The following CAMKK1 variants were observed in gnomAD, a reference collection of about 807,000 sequenced individuals.
CAMKK1 encodes the protein calcium/calmodulin dependent protein kinase kinase 1, also known as calcium/calmodulin-dependent protein kinase kinase 1.
A neutral mutation model predicts 63.5 loss-of-function variants in CAMKK1; 20 were observed. The ratio of observed to expected loss-of-function variants is 0.32; its 90% CI spans 0.22 to 0.46. The LOEUF is 0.46. CAMKK1 is among the 20% of genes least tolerant of loss of function. CAMKK1 has a pLI of 1.00. For synonymous variants in CAMKK1, 253 were observed against 269.0 expected (o/e 0.94, Z 0.58); for missense variants, 588 against 658.1 (o/e 0.89, Z 1.17).
At chr17:3,870,114 G>A (rs913132662) in intron 12 of CAMKK1, among the ~76,000 whole-genome samples, 1 of 152,162 alleles carries the variant, frequency 6.6e-6, no homozygotes, top group African/African-American at 2.4e-5. Context: ...ACACCCCAAT[G>A]GGTGGCAAAG....
chr17:3,866,240 C>G (rs936012040), intron 14 of CAMKK1, among the ~76,000 whole-genome samples: 14 of 152,198 alleles, frequency 9.2e-5, no homozygotes, highest in African/African-American at 3.1e-4. Flanking sequence ...GGGGCCGGGA[C>G]CAGCCCATGA....
intron 9 of CAMKK1, among the ~76,000 whole-genome samples, chr17:3,877,801 C>T (rs927375820): frequency 6.6e-6 from 1 of 152,118 alleles, no homozygotes; most frequent in African/African-American, 2.4e-5. Flanking sequence ...TATCTCAAAC[C>T]CTAGCCTCTC....
chr17:3,878,029 G>A (rs1241855169), intron 9 of CAMKK1, among the ~76,000 whole-genome samples: 1 of 152,102 alleles, frequency 6.6e-6, no homozygotes, highest in Non-Finnish European at 1.5e-5. Context: ...TTTCCATTCT[G>A]TGAAAGGCCA....
chr17:3,876,490 C>T (rs2055161230), intron 9 of CAMKK1, 68 bp from the exon 10 acceptor site: 2 of 1,407,082 alleles, frequency 1.4e-6, no homozygotes, highest in Non-Finnish European at 1.0e-6. Context: ...CACACCCGTC[C>T]TTGCACAGCC....
chr17:3,871,662 A>T (rs1412808910), intron 12 of CAMKK1, among the ~76,000 whole-genome samples: 3 of 108,978 alleles, frequency 2.8e-5, no homozygotes, highest in South Asian at 2.7e-4. Context: ...GGCCTTATTC[A>T]GTTTCTTTCT....
intron 15 of CAMKK1, chr17:3,865,580 G>T (rs1597438039): frequency 2.6e-6 from 3 of 1,134,756 alleles, no homozygotes; most frequent in African/African-American, 3.2e-5. Context: ...AGCCCCAGAG[G>T]GGCTGGACCC....
chr17:3,864,912 C>T (rs545705800), intron 15 of CAMKK1, among the ~76,000 whole-genome samples: 54 of 152,298 alleles, frequency 3.5e-4, no homozygotes, highest in African/African-American at 9.4e-4. Context: ...ATGGTGGTCC[C>T]GGACAGGCCT....
At chr17:3,874,320 T>C (rs558478841) in intron 10 of CAMKK1, among the ~76,000 whole-genome samples, 2 of 152,246 alleles carry the variant, frequency 1.3e-5, no homozygotes, top group East Asian at 3.9e-4. Context: ...GAAGAAGTTA[T>C]GAAGTACAGT....
At chr17:3,876,818 C>T (rs62071683) in intron 9 of CAMKK1, among the ~76,000 whole-genome samples, 41 of 144,410 alleles carry the variant, frequency 2.8e-4, no homozygotes, top group African/African-American at 9.5e-4. Flanking sequence ...AGTGCAATGG[C>T]GTGATCTCGG....
Position 3,868,400 on chromosome 17 carries a change from TATGTGGGCTCTGGGGGAG to T in CAMKK1, c.1341+1069_1341+1086del. 2.1e-5 allele frequency among the ~76,000 whole-genome samples: 3 copies of T among 140,402 alleles called. 1 individual carries two copies. Among genetic ancestry groups the T allele is most frequent in the Non-Finnish European group, 3.1e-5 (2 of 64,340 alleles). The allele number at this position is 140,402 out of a possible 152,430, so 92.1% of individuals were successfully genotyped here. ...GGGAGACGCAGGCCCATCTAACTGA[TATGTGGGCTCTGGGGGAG>T]ACACAGGTGCTGCCTAACTGATACG... is the stretch of plus-strand genomic sequence containing the variant. On this transcript the variant is annotated intron_variant, in intron 14 of 15. Coordinates refer to ENST00000348335, the MANE Select transcript of CAMKK1 (RefSeq NM_032294.3).
chr17:3,882,461 C>A lies in CAMKK1; in HGVS notation c.685+67G>T. The A allele has an allele frequency of 6.3e-7, 1 of 1,592,118 alleles. No individual in the cohort carries two copies. Among genetic ancestry groups the A allele is most frequent in the Non-Finnish European group, 8.6e-7 (1 of 1,162,220 alleles). ...TTACACCGCCCACCTGAAGGTCATA[C>A]ATGTCCCAAGGGAGCCCTTGGGCCA... is the stretch of plus-strand genomic sequence containing the variant. On this transcript the variant is annotated intron_variant, in intron 7 of 15. Coordinates refer to ENST00000348335, the MANE Select transcript of CAMKK1 (RefSeq NM_032294.3). This position sits in a 1 kb window ranked among gnomAD's most constrained non-coding sequence, Gnocchi z 4.3.
In CAMKK1 at chr17:3,866,014, G is replaced by A. The variant is rs762668890; in HGVS notation, c.1342-3C>T. 9.3e-6 allele frequency: 15 copies of A among 1,613,770 alleles called. No homozygotes were observed. The highest frequency in any genetic ancestry group is 6.7e-5 in the Admixed American group (4 of 59,978). ...CTCAGCATGGACTTCACCAGGATCT[G>A]AGGAGGACAAGGCAGCGTGAGGAGC... is the stretch of plus-strand genomic sequence containing the variant. On this transcript the variant is annotated splice_polypyrimidine_tract_variant and splice_region_variant and intron_variant, in intron 14 of 15. Coordinates refer to ENST00000348335, the MANE Select transcript of CAMKK1 (RefSeq NM_032294.3).
In CAMKK1 at chr17:3,892,009, C is replaced by T. The variant is rs1413321820; in HGVS notation, c.-44+930G>A. Among the ~76,000 whole-genome samples the T allele has an allele frequency of 4.6e-5, 7 of 152,012 alleles. 1 individual carries two copies. The highest frequency in any genetic ancestry group is 4.6e-4 in the Admixed American group (7 of 15,276). On this transcript the variant is annotated intron_variant, in intron 1 of 15. Coordinates refer to ENST00000348335, the MANE Select transcript of CAMKK1 (RefSeq NM_032294.3). This position sits in a 1 kb window ranked among gnomAD's most constrained non-coding sequence, Gnocchi z 7.5. ...GTGCGCCTGGGACGCAGTGGGGGGT[C>T]AATTTGTATGTACTGGAGGAAAGAG...
intron 14 of CAMKK1, 123 bp from the exon 15 acceptor site, chr17:3,866,134 C>G: frequency 8.5e-7 from 1 of 1,178,500 alleles, no homozygotes; most frequent in Non-Finnish European, 1.2e-6. Context: ...TCAATCAGCA[C>G]AGCATGAAAT....
intron 14 of CAMKK1, among the ~76,000 whole-genome samples, chr17:3,868,661 T>C (rs951681375): frequency 6.7e-6 from 1 of 150,108 alleles, no homozygotes; most frequent in Non-Finnish European, 1.5e-5. Context: ...ATTTCTTTCT[T>C]TTTTTTTTTG....
At chr17:3,871,298 C>A (rs180727414) in intron 12 of CAMKK1, among the ~76,000 whole-genome samples, 19 of 150,714 alleles carry the variant, frequency 1.3e-4, no homozygotes, top group Admixed American at 2.6e-4. Context: ...GAGTACAAGT[C>A]CCGTTTCATT....
In CAMKK1 at chr17:3,882,628, C is replaced by T. The variant is rs930836728; in HGVS notation, c.649-64G>A. On this transcript the variant is annotated intron_variant, in intron 6 of 15. Transcript: ENST00000348335. The surrounding 1 kb of genome is among the most constrained non-coding windows in gnomAD (Gnocchi z 4.3). ...AGGCGTGGGGTTGGAGGTCCCAGGC[C>T]TCCTGGTCCTTGCCAGCCCCAGAAC... 2.0e-6 allele frequency: 3 copies of T among 1,475,670 alleles called. No individual in the cohort carries two copies. The highest frequency in any genetic ancestry group is 3.9e-5 in the Admixed American group (2 of 51,448). 91.4% of individuals were successfully genotyped at this position (1,475,670 alleles called of 1,614,324 possible).
intron 10 of CAMKK1, among the ~76,000 whole-genome samples, chr17:3,875,584 C>T (rs2055112735): frequency 1.3e-5 from 2 of 152,230 alleles, no homozygotes; most frequent in South Asian, 2.1e-4. Context: ...TGCCCGGCCT[C>T]CTGACCTCTT....
In CAMKK1 at chr17:3,873,429, A is replaced by G. The variant is rs964073520; in HGVS notation, c.1030T>C (p.Tyr344His). Reference sequence around the variant, plus strand: ...CTCACCTTCCCATAGACAAAGCAGTACAACGTGACGCCAGTGGCCCATACA... The same window carrying G: ...CTCACCTTCCCATAGACAAAGCAGTGCAACGTGACGCCAGTGGCCCATACA... ...LDVWATGVTL[Y>H]CFVYGKCPFI... Residue 344 changes from tyrosine (Y) to histidine (H), a missense_variant, in exon 11 of 16, where the codon TAC (tyrosine) becomes CAC (histidine). By Grantham distance (83) the Tyr-to-His change is moderately conservative. Coordinates refer to ENST00000348335, the MANE Select transcript of CAMKK1 (RefSeq NM_032294.3). The G allele has an allele frequency of 1.9e-6, 3 of 1,614,142 alleles. No homozygotes were observed. Among genetic ancestry groups the G allele is most frequent in the Non-Finnish European group, 2.5e-6 (3 of 1,180,024 alleles).
Sources: allele counts gnomAD v4.1 joint callset (sites outside exome capture counted in the v4.1 genomes callset), GRCh38; gene constraint gnomAD v4.1.1; non-coding constraint Gnocchi (gnomAD v3.1); transcripts MANE v1.5; gene names NCBI Gene and HGNC (gene_info 2026-07-23, HGNC 2026-07-21).